ZNF384: variants seen among roughly 807,000 people sequenced by gnomAD.
The protein encoded by ZNF384 is CAG repeat protein 1.
Under a neutral mutation model 65.0 loss-of-function variants are expected in ZNF384, and 20 were observed. The observed-to-expected ratio is 0.31, with a 90% CI of 0.22 to 0.45. The LOEUF is 0.45. Ranked by LOEUF, ZNF384 falls within the 20% of genes least tolerant of loss-of-function variation. The pLI is 1.00. For missense variants in ZNF384, 549 were observed against 769.4 expected, an observed-to-expected ratio of 0.71 and a Z score of 3.39; for synonymous variants, 310 against 303.9, an observed-to-expected ratio of 1.02 and a Z score of -0.21.
In ZNF384 at chr12:6,672,565, A is replaced by T; in HGVS notation, c.1005-33T>A. The T allele has an allele frequency of 2.5e-6, 4 of 1,605,374 alleles. No individual in the cohort carries two copies. Among genetic ancestry groups the T allele is most frequent in the Non-Finnish European group, 3.4e-6 (4 of 1,174,174 alleles). ...AGAGGAGAGGAGGGAAGGGGGGAGG[A>T]GGAAGCAGTTCGACACCAGGGGCTC... On this transcript the variant is annotated intron_variant, in intron 8 of 11. Transcript: ENST00000683879. This position sits in a 1 kb window ranked among gnomAD's most constrained non-coding sequence, Gnocchi z 4.4.
rs779600318 is a variant in ZNF384 at position 6,669,097 on chromosome 12, C to A, written c.1359G>T (p.Leu453=). Residue 453 remains leucine, a synonymous_variant, in exon 11 of 12, where the codon CTG becomes CTT. Transcript: ENST00000683879. ...YTDAASLEVH[L]STHTVKHAKV... ...TGGCATGCTTCACTGTGTGCGTAGACAGGTGCACCTCTAGTGAGGCTGCAT... is the reference window on the plus strand; with the variant it reads ...TGGCATGCTTCACTGTGTGCGTAGAAAGGTGCACCTCTAGTGAGGCTGCAT... 3 of 1,614,034 alleles carry A rather than the reference C, an allele frequency of 1.9e-6. No homozygotes were observed. Among genetic ancestry groups the A allele is most frequent in the Non-Finnish European group, 2.5e-6 (3 of 1,179,920 alleles).
chr12:6,667,001 G>C lies in ZNF384; in HGVS notation c.*713C>G. ...GGGTTGGGGAGACTGAGAGTATAGG[G>C]TCTTTGTAGGCAGAGAAGGAGAGAG... On this transcript the variant is annotated 3_prime_UTR_variant, in exon 12 of 12. Coordinates refer to ENST00000683879, the MANE Select transcript of ZNF384 (RefSeq NM_001385745.1). The C allele has an allele frequency of 4.6e-6, 1 of 217,734 alleles. No individual in the cohort carries two copies. The highest frequency in any genetic ancestry group is 9.2e-6 in the Non-Finnish European group (1 of 108,242). 13.5% of individuals were successfully genotyped at this position (217,734 alleles called of 1,614,324 possible).
At chr12:6,680,171 C>T (rs1955379663) in intron 2 of ZNF384, among the ~76,000 whole-genome samples, 1 of 152,078 alleles carries the variant, frequency 6.6e-6, no homozygotes, top group Non-Finnish European at 1.5e-5. Context: ...TTCCATGTTG[C>T]CCAGGCTGGT....
In ZNF384 at chr12:6,668,021, G is replaced by C; in HGVS notation, c.1520C>G (p.Ala507Gly). The change falls in exon 12 of 12, where the codon GCC becomes GGC. Residue 507 changes from alanine to glycine, a missense_variant. By Grantham distance (60) the Ala-to-Gly change is moderately conservative (BLOSUM62 0). Around this residue, in one of 5 missense-constraint regions of ZNF384, gnomAD observed 136 missense variants for 183.0 expected, o/e 0.74. Transcript: ENST00000683879. The stretch of plus-strand genomic sequence containing the variant: ...AGCCTGGGCTTGAGCTTGAGCCTGG[G>C]CCTGGGCCACTGCTGCCGCTGCTGC... ...AAAAAAAVAQ[A>G]QAQAQAQAQA... is the part of the protein sequence containing the mutation. 1 of 1,613,684 alleles carries C rather than the reference G, an allele frequency of 6.2e-7. No homozygotes were observed. Among genetic ancestry groups the C allele is most frequent in the Non-Finnish European group, 8.5e-7 (1 of 1,179,768 alleles).
intron 2 of ZNF384, among the ~76,000 whole-genome samples, chr12:6,683,348 C>T (rs888615153): frequency 8.8e-5 from 13 of 147,820 alleles, no homozygotes; most frequent in African/African-American, 2.2e-4. Context: ...GGAGAATAAA[C>T]GAAAGAAAGG....
rs749928137 is a variant in ZNF384, at chr12:6,678,648, AAC to A, written c.352+13_352+14del. The A allele has an allele frequency of 1.5e-5, 24 of 1,612,572 alleles. No homozygotes were observed. The highest frequency in any genetic ancestry group is 1.7e-5 in the Non-Finnish European group (20 of 1,179,484). On this transcript the variant is annotated intron_variant, in intron 5 of 11. Transcript: ENST00000683879. This position sits in a 1 kb window ranked among gnomAD's most constrained non-coding sequence, Gnocchi z 4.9. The stretch of plus-strand genomic sequence containing the variant: ...TAACCCTTGTCCCCACCCCCCTGGT[AAC>A]AGTGAGATTTACCCCTTGATTGACT...
chr12:6,684,056 T>A (rs1276500212), intron 2 of ZNF384, among the ~76,000 whole-genome samples: 1 of 152,186 alleles, frequency 6.6e-6, no homozygotes, highest in Non-Finnish European at 1.5e-5. Context: ...ACTATCATTA[T>A]CATTAAAACT....
intron 2 of ZNF384, among the ~76,000 whole-genome samples, chr12:6,683,244 T>C (rs910056624): frequency 1.3e-5 from 2 of 150,252 alleles, no homozygotes; most frequent in Non-Finnish European, 3.0e-5. Flanking sequence ...CGAGCCGAGA[T>C]CTAACCACTG....
chr12:6,683,644 A>G (rs539941074), intron 2 of ZNF384, among the ~76,000 whole-genome samples: 1 of 148,798 alleles, frequency 6.7e-6, no homozygotes, highest in South Asian at 2.1e-4. Context: ...CCTGGGTGAC[A>G]GAGCAAGACC....
rs1323717242 is a variant in ZNF384 at position 6,672,783 on chromosome 12, AAAG to A, written c.1005-254_1005-252del. Among the ~76,000 whole-genome samples, 1 of 152,128 alleles carries A rather than the reference AAAG, an allele frequency of 6.6e-6. No homozygotes were observed. Among genetic ancestry groups the A allele is most frequent in the East Asian group, 1.9e-4 (1 of 5,200 alleles). ...GCAACCCATGGCTCCTGGTAACCTT[AAAG>A]TAGTCAATCTCATCAACCCTCCGCT... On this transcript the variant is annotated intron_variant, in intron 8 of 11. Coordinates refer to ENST00000683879, the MANE Select transcript of ZNF384 (RefSeq NM_001385745.1). This position sits in a 1 kb window ranked among gnomAD's most constrained non-coding sequence, Gnocchi z 4.4.
Position 6,673,317 on chromosome 12 carries a change from G to A in ZNF384, c.903C>T (p.Tyr301=), listed in dbSNP as rs1476611984. 1.2e-6 allele frequency: 2 copies of A among 1,614,088 alleles called. No homozygotes were observed. The highest frequency in any genetic ancestry group is 1.7e-6 in the Non-Finnish European group (2 of 1,180,002). The change falls in exon 8 of 12, where the codon TAC becomes TAT. Residue 301 remains tyrosine, a synonymous_variant. Coordinates refer to ENST00000683879, the MANE Select transcript of ZNF384 (RefSeq NM_001385745.1). The surrounding 1 kb of genome is among the most constrained non-coding windows in gnomAD (Gnocchi z 4.7). The part of the protein sequence containing the change: ...HCSKTFANSS[Y]LAQHIRIHSG... ...AGTGTATACGGATGTGCTGGGCCAG[G>A]TAGGAGCTGTTGGCGAAGGTCTTGG...
In ZNF384 at chr12:6,669,257, G is replaced by A. The variant is rs1950587174; in HGVS notation, c.1267-68C>T. 9 of 1,487,400 alleles carry A rather than the reference G, an allele frequency of 6.1e-6. No individual in the cohort carries two copies. The East Asian group carries it at 7.3e-5, about 12-fold the overall frequency. 92.1% of individuals were successfully genotyped at this position (1,487,400 alleles called of 1,614,324 possible). A position where few individuals can be genotyped will look rare whatever the true frequency, so the allele number is the denominator to read the frequency against. ...TTCCTCCTGCCCCCTTGACCTCGAT[G>A]GAAAGCAAAAAGGTAGGTGTCAGGC... On this transcript the variant is annotated intron_variant, in intron 10 of 11. Coordinates refer to ENST00000683879, the MANE Select transcript of ZNF384 (RefSeq NM_001385745.1).
At chr12:6,670,660 T>G in intron 10 of ZNF384, 100 bp downstream of exon 10, 1 of 1,106,308 alleles carries the variant, frequency 9.0e-7, no homozygotes, top group Non-Finnish European at 1.4e-6. Flanking sequence ...CAATAATGTT[T>G]GAGTGTAAAG....
In ZNF384 at chr12:6,673,386, G is replaced by C. The variant is rs762144485; in HGVS notation, c.834C>G (p.Ser278=). ...GGGGCTTGGTCTCGGTGTGTGACTTGGAGTGGATCTGCATCTCCGACTTGG... is the reference window on the plus strand; with the variant it reads ...GGGGCTTGGTCTCGGTGTGTGACTTCGAGTGGATCTGCATCTCCGACTTGG... The part of the protein sequence containing the change: ...FYSKSEMQIH[S]KSHTETKPHK... The change falls in exon 8 of 12, where the codon TCC becomes TCG. Residue 278 remains serine (S), a synonymous_variant. Coordinates refer to ENST00000683879, the MANE Select transcript of ZNF384 (RefSeq NM_001385745.1). The surrounding 1 kb of genome is among the most constrained non-coding windows in gnomAD (Gnocchi z 4.7). 1.2e-6 allele frequency: 2 copies of C among 1,614,064 alleles called. No homozygotes were observed. Among genetic ancestry groups the C allele is most frequent in the East Asian group, 4.5e-5 (2 of 44,874 alleles).
chr12:6,668,986 C>T lies in ZNF384; in HGVS notation c.1425+45G>A, dbSNP rs182354893. ...AGAAAATGGGGTGAAGTGGACTGTA[C>T]TCTTAGAGGACTATGAGGAAGGAGA... On this transcript the variant is annotated intron_variant, in intron 11 of 11. Transcript: ENST00000683879. The T allele has an allele frequency of 2.3e-3, 3,570 of 1,559,516 alleles. 22 individuals carry two copies. Among genetic ancestry groups the T allele is most frequent in the East Asian group, 0.018 (763 of 43,168 alleles).
intron 2 of ZNF384, among the ~76,000 whole-genome samples, chr12:6,686,969 G>A (rs541398846): frequency 3.3e-5 from 5 of 152,228 alleles, no homozygotes; most frequent in East Asian, 3.9e-4. Context: ...AACTTAAGAC[G>A]CTATTGAGAA....
At chr12:6,670,712 G>A in intron 10 of ZNF384, 48 bp downstream of exon 10, 2 of 1,539,076 alleles carry the variant, frequency 1.3e-6, no homozygotes, top group Non-Finnish European at 1.8e-6. Context: ...TATTCAAATG[G>A]CCCCATGTCT....
chr12:6,670,740 G>T lies in ZNF384; in HGVS notation c.1266+20C>A. On this transcript the variant is annotated intron_variant, in intron 10 of 11. Transcript: ENST00000683879. Reference sequence around the variant, plus strand: ...CCATGTCTCAGACTCAAGGTCTTGTGTGGAGGGTGGAACATTTACCTGCAG... The same window carrying T: ...CCATGTCTCAGACTCAAGGTCTTGTTTGGAGGGTGGAACATTTACCTGCAG... 2 of 1,611,968 alleles carry T rather than the reference G, an allele frequency of 1.2e-6. No individual in the cohort carries two copies. The highest frequency in any genetic ancestry group is 1.7e-6 in the Non-Finnish European group (2 of 1,178,050).
intron 6 of ZNF384, among the ~76,000 whole-genome samples, chr12:6,677,531 G>T (rs571470953): frequency 1.3e-5 from 2 of 152,188 alleles, no homozygotes; most frequent in Non-Finnish European, 2.9e-5. Flanking sequence ...ATGCTTTTTG[G>T]TAAAGGGGAA....
Sources: gnomAD v4.1 joint callset for allele counts (sites outside exome capture counted in the v4.1 genomes callset) on GRCh38, gnomAD v4.1.1 for gene constraint, gnomAD v4.1.1 regional missense constraint, Gnocchi (gnomAD v3.1) non-coding constraint, MANE v1.5 for transcripts, NCBI Gene and HGNC (gene_info 2026-07-23, HGNC 2026-07-21) for gene names.